TRPM1: variants seen among roughly 807,000 people sequenced by gnomAD.
The protein encoded by TRPM1 is transient receptor potential cation channel subfamily M member 1, also known as TRPM1-203 APA Isoform, Intron 10.
A neutral mutation model predicts 149.4 loss-of-function variants in TRPM1; 113 were observed. The ratio of observed to expected loss-of-function variants is 0.76; its 90% CI spans 0.65 to 0.88. The LOEUF (loss-of-function observed/expected upper bound fraction) is 0.88. Among genes scored for constraint, TRPM1 ranks in the 40% least tolerant of loss-of-function variants. The pLI is 0.00. For synonymous variants in TRPM1, 741 were observed against 759.5 expected (o/e 0.98, Z 0.40); for missense variants, 1,976 against 2,038.7 (o/e 0.97, Z 0.59).
At chr15:31,043,621 G>T (rs952397550) in intron 16 of TRPM1, among the ~76,000 whole-genome samples, 1 of 150,928 alleles carries the variant, frequency 6.6e-6, no homozygotes, top group Admixed American at 6.6e-5. Flanking sequence ...AGCTACAGTC[G>T]CAGTGATATG....
intron 27 of TRPM1, among the ~76,000 whole-genome samples, chr15:31,023,889 A>G (rs1566994235): frequency 6.6e-6 from 1 of 152,222 alleles, no homozygotes; most frequent in Non-Finnish European, 1.5e-5. Context: ...ACTTTTTGAG[A>G]AAAAATAAAT....
chr15:31,028,705 T>C (rs980809568), intron 24 of TRPM1, among the ~76,000 whole-genome samples: 2 of 151,742 alleles, frequency 1.3e-5, no homozygotes, highest in African/African-American at 4.8e-5. Flanking sequence ...TGAGCCGAGA[T>C]CGAGCCACTG....
chr15:31,088,841 T>G (rs2035106346), intron 1 of TRPM1, among the ~76,000 whole-genome samples: 1 of 148,680 alleles, frequency 6.7e-6, no homozygotes, highest in African/African-American at 2.5e-5. Flanking sequence ...ACCGGGGCGA[T>G]GCGATAAGCC....
intron 1 of TRPM1, among the ~76,000 whole-genome samples, chr15:31,147,482 T>C (rs867163216): frequency 2.0e-5 from 3 of 152,238 alleles, no homozygotes; most frequent in Non-Finnish European, 4.4e-5. Context: ...AAGTGCAACG[T>C]CATCACACTT....
intron 27 of TRPM1, among the ~76,000 whole-genome samples, chr15:31,007,310 G>A (rs551519791): frequency 1.3e-5 from 2 of 151,404 alleles, no homozygotes; most frequent in African/African-American, 4.9e-5. Context: ...TCTCTATTTG[G>A]GTAGATCTAC....
chr15:31,009,787 T>TA (rs1174828962), intron 27 of TRPM1, among the ~76,000 whole-genome samples: 1 of 152,232 alleles, frequency 6.6e-6, no homozygotes, highest in Non-Finnish European at 1.5e-5. Context: ...TCTTCAAGTT[T>TA]ACTCTCTCCT....
Position 31,081,334 on chromosome 15 carries a change from G to A in TRPM1, c.3+19C>T, listed in dbSNP as rs930223961. On this transcript the variant is annotated intron_variant, in intron 2 of 27. Coordinates refer to ENST00000256552, the MANE Select transcript of TRPM1 (RefSeq NM_001252024.2). Reference sequence around the variant, plus strand: ...GGGGGGAGGGGGGGAAGGTGGAAGTGCTTTACTTAGGTATTAACCATGAGT... The same window carrying A: ...GGGGGGAGGGGGGGAAGGTGGAAGTACTTTACTTAGGTATTAACCATGAGT... 3 of 1,437,080 alleles carry A rather than the reference G, an allele frequency of 2.1e-6. No individual in the cohort carries two copies. The highest frequency in any genetic ancestry group is 2.8e-6 in the Non-Finnish European group (3 of 1,057,896). 89.0% of individuals were successfully genotyped at this position (1,437,080 alleles called of 1,614,324 possible). A position where few individuals can be genotyped will look rare whatever the true frequency, so the allele number is the denominator to read the frequency against.
At chr15:31,113,001 G>A (rs1256675977) in intron 1 of TRPM1, among the ~76,000 whole-genome samples, 2 of 152,178 alleles carry the variant, frequency 1.3e-5, no homozygotes, top group Non-Finnish European at 2.9e-5. Context: ...AACCATCTGA[G>A]GTGCCGGTAA....
intron 27 of TRPM1, among the ~76,000 whole-genome samples, chr15:31,023,454 C>T (rs1033075758): frequency 2.0e-5 from 3 of 152,168 alleles, no homozygotes; most frequent in South Asian, 2.1e-4. Context: ...GAACAGGACC[C>T]CATGAGAGCT....
intron 3 of TRPM1, among the ~76,000 whole-genome samples, chr15:31,072,635 C>T (rs750602245): frequency 2.0e-5 from 3 of 152,140 alleles, no homozygotes; most frequent in Non-Finnish European, 2.9e-5. Context: ...TGGTACATTT[C>T]CACCAGCAGT....
At chr15:31,003,693 AATT>A (rs1374980150) in intron 27 of TRPM1, among the ~76,000 whole-genome samples, 2 of 152,228 alleles carry the variant, frequency 1.3e-5, no homozygotes, top group Admixed American at 6.5e-5. Flanking sequence ...AACTGTTAAT[AATT>A]AAGTTCAGAT....
chr15:31,047,376 T>C, intron 14 of TRPM1, 125 bp from the exon 15 acceptor site: 1 of 1,049,146 alleles, frequency 9.5e-7, no homozygotes, highest in Admixed American at 2.0e-5. Context: ...GGTGGGTGGG[T>C]GGGGGATTAA....
At chr15:31,057,100 G>T (rs140322649) in intron 11 of TRPM1, among the ~76,000 whole-genome samples, 1 of 152,216 alleles carries the variant, frequency 6.6e-6, no homozygotes, top group East Asian at 1.9e-4. Flanking sequence ...TGTACAGTAG[G>T]CATTGAGAGC....
intron 1 of TRPM1, among the ~76,000 whole-genome samples, chr15:31,148,031 A>T (rs2036244512): frequency 6.6e-6 from 1 of 152,236 alleles, no homozygotes; most frequent in Non-Finnish European, 1.5e-5. Flanking sequence ...AAAAAATGTC[A>T]GCAGAGGCTG....
At chr15:31,157,998 C>A (rs2036399250) in intron 1 of TRPM1, among the ~76,000 whole-genome samples, 1 of 152,082 alleles carries the variant, frequency 6.6e-6, no homozygotes, top group East Asian at 1.9e-4. Flanking sequence ...GCCTAGTGTG[C>A]AACGAGATAG....
At chr15:31,073,800 G>GCATT (rs574983766) in intron 3 of TRPM1, among the ~76,000 whole-genome samples, 96 of 152,142 alleles carry the variant, frequency 6.3e-4, no homozygotes, top group African/African-American at 2.2e-3. Flanking sequence ...TAGGAGGAAA[G>GCATT]CAATCTTTCA....
intron 1 of TRPM1, among the ~76,000 whole-genome samples, chr15:31,158,616 G>A (rs2036407036): frequency 8.6e-6 from 1 of 116,622 alleles, no homozygotes. Flanking sequence ...GACAGAGTGA[G>A]ACTCCATCTC....
intron 3 of TRPM1, among the ~76,000 whole-genome samples, chr15:31,074,065 A>G (rs2140973255): frequency 6.6e-6 from 1 of 151,464 alleles, no homozygotes; most frequent in East Asian, 1.9e-4. Flanking sequence ...GTCATGGTGT[A>G]TCATTATTTT....
intron 1 of TRPM1, among the ~76,000 whole-genome samples, chr15:31,148,978 AGTG>A (rs2036257884): frequency 1.3e-5 from 2 of 152,186 alleles, no homozygotes; most frequent in African/African-American, 4.8e-5. Flanking sequence ...ACACGGCAAG[AGTG>A]CAACCCACCC....
Sources: allele counts gnomAD v4.1 joint callset (sites outside exome capture counted in the v4.1 genomes callset), GRCh38; gene constraint gnomAD v4.1.1; transcripts MANE v1.5; gene names NCBI Gene and HGNC (gene_info 2026-07-23, HGNC 2026-07-21).